MGAT4C: variants seen among roughly 807,000 people sequenced by gnomAD.
MGAT4C encodes alpha-1,3-mannosyl-glycoprotein 4-beta-N-acetylglucosaminyltransferase C.
MGAT4C carries 19 observed loss-of-function variants against 40.1 expected under a neutral mutation model. That is an observed-to-expected ratio of 0.47 (90% CI 0.33 to 0.70). MGAT4C has a LOEUF of 0.70. Ranked by LOEUF, MGAT4C falls within the 30% of genes least tolerant of loss-of-function variation. MGAT4C has a pLI of 0.02. For missense variants in MGAT4C, 491 were observed against 563.2 expected (o/e 0.87, Z 1.30); for synonymous variants, 181 against 187.1 (o/e 0.97, Z 0.27).
chr12:86,715,591 T>A (rs1274975813), intron 2 of MGAT4C, among the ~76,000 whole-genome samples: 1 of 152,226 alleles, frequency 6.6e-6, no homozygotes, highest in East Asian at 1.9e-4. Flanking sequence ...AACAAAAAAA[T>A]TTAAGACCCA....
intron 4 of MGAT4C, among the ~76,000 whole-genome samples, chr12:86,323,466 G>T (rs1954444882): frequency 6.6e-6 from 1 of 151,234 alleles, no homozygotes; most frequent in South Asian, 2.1e-4. Flanking sequence ...ATTTATTTAG[G>T]ATCGTAAAAT....
intron 2 of MGAT4C, among the ~76,000 whole-genome samples, chr12:86,610,561 G>GT (rs62949460): frequency 0.97 from 145,562 of 149,736 alleles, 70,810 homozygotes; most frequent in Non-Finnish European, 1. Context: ...TTTGTTTTTT[G>GT]TTTTTTTTTC....
In MGAT4C at chr12:86,363,954, ACTCT is replaced by A. The variant is rs762469045; in HGVS notation, c.-119-29831_-119-29828del. Among the ~76,000 whole-genome samples the A allele has an allele frequency of 6.3e-4, 63 of 99,414 alleles. No individual in the cohort carries two copies. The East Asian group carries it at 0.012, about 19-fold the overall frequency. 65.2% of individuals were successfully genotyped at this position (99,414 alleles called of 152,430 possible). On this transcript the variant is annotated intron_variant, in intron 3 of 7. Transcript: ENST00000548651. ...AAAAAAATTACCAAATCTCTTTCTC[ACTCT>A]CTCTCTCTCTCTCTCACACACACAC...
chr12:86,670,246 A>G (rs1296986298), intron 2 of MGAT4C, among the ~76,000 whole-genome samples: 7 of 152,158 alleles, frequency 4.6e-5, no homozygotes, highest in African/African-American at 1.7e-4. Context: ...GAAAAATTCA[A>G]CAAATGGATT....
At chr12:86,560,289 G>A (rs374921146) in intron 2 of MGAT4C, among the ~76,000 whole-genome samples, 1 of 151,888 alleles carries the variant, frequency 6.6e-6, no homozygotes, top group South Asian at 2.1e-4. Flanking sequence ...CATCTATGAG[G>A]CTGGCATTAC....
At chr12:86,797,547 G>T (rs910399066) in intron 1 of MGAT4C, among the ~76,000 whole-genome samples, 2 of 151,706 alleles carry the variant, frequency 1.3e-5, no homozygotes, top group East Asian at 1.9e-4. Context: ...TTTACTATCT[G>T]TTTGTAGACC....
chr12:86,193,289 T>C (rs1165708011), intron 1 of MGAT4C, among the ~76,000 whole-genome samples: 3 of 151,958 alleles, frequency 2.0e-5, no homozygotes, highest in Non-Finnish European at 4.4e-5. Flanking sequence ...AATTACAGCA[T>C]GCTTCCTTGT....
intron 2 of MGAT4C, among the ~76,000 whole-genome samples, chr12:86,445,933 G>A (rs1044741566): frequency 6.6e-6 from 1 of 151,974 alleles, no homozygotes; most frequent in East Asian, 1.9e-4. Context: ...TCAAATATTG[G>A]TAATATTTTA....
chr12:86,724,065 T>A (rs1950781475), intron 2 of MGAT4C, among the ~76,000 whole-genome samples: 1 of 152,168 alleles, frequency 6.6e-6, no homozygotes, highest in Admixed American at 6.5e-5. Flanking sequence ...TTAACTTTTA[T>A]AACATACTGA....
chr12:86,579,028 T>C (rs917009361), intron 2 of MGAT4C, among the ~76,000 whole-genome samples: 5 of 151,690 alleles, frequency 3.3e-5, no homozygotes, highest in Admixed American at 2.6e-4. Flanking sequence ...CATTTTTTCA[T>C]ATTTTATTTT....
At chr12:86,005,956 T>G (rs1198009177) in intron 2 of MGAT4C, among the ~76,000 whole-genome samples, 1 of 152,202 alleles carries the variant, frequency 6.6e-6, no homozygotes, top group Non-Finnish European at 1.5e-5. Context: ...TTGTGAGTTC[T>G]CGATTATTCT....
intron 1 of MGAT4C, among the ~76,000 whole-genome samples, chr12:86,739,953 A>T (rs1951043852): frequency 6.6e-6 from 1 of 151,034 alleles, no homozygotes; most frequent in African/African-American, 2.4e-5. Flanking sequence ...TATTTATAAT[A>T]TAATATTCCT....
At chr12:86,087,406 T>C (rs1035251663) in intron 1 of MGAT4C, among the ~76,000 whole-genome samples, 2 of 152,134 alleles carry the variant, frequency 1.3e-5, no homozygotes, top group African/African-American at 4.8e-5. Flanking sequence ...ATACTATTTC[T>C]AGTATTTAAC....
chr12:86,332,488 A>C (rs969256089), intron 4 of MGAT4C, among the ~76,000 whole-genome samples: 2 of 152,118 alleles, frequency 1.3e-5, no homozygotes, highest in Non-Finnish European at 2.9e-5. Context: ...CACAAAAATA[A>C]GCATATTTTC....
At chr12:86,200,515 T>C (rs1005148594) in intron 1 of MGAT4C, among the ~76,000 whole-genome samples, 21 of 152,136 alleles carry the variant, frequency 1.4e-4, no homozygotes, top group African/African-American at 2.4e-5. Flanking sequence ...CAACTTTAGT[T>C]GTCATCAGTT....
chr12:86,472,487 A>G (rs554386358), intron 2 of MGAT4C, among the ~76,000 whole-genome samples: 1 of 152,306 alleles, frequency 6.6e-6, no homozygotes, highest in South Asian at 2.1e-4. Flanking sequence ...TAATTCAATT[A>G]AAAGTCTATA....
At chr12:86,838,371 A>G (rs1266310530) in intron 1 of MGAT4C, among the ~76,000 whole-genome samples, 1 of 152,268 alleles carries the variant, frequency 6.6e-6, no homozygotes, top group African/African-American at 2.4e-5. Flanking sequence ...TATTGCAGCT[A>G]CAAAAGGAAA....
chr12:86,777,091 T>A (rs1033221869), intron 1 of MGAT4C, among the ~76,000 whole-genome samples: 14 of 152,188 alleles, frequency 9.2e-5, no homozygotes, highest in Admixed American at 7.2e-4. Flanking sequence ...AATGGCAAAT[T>A]GCCAAATCAC....
At chr12:86,790,864 A>AT (rs938665631) in intron 1 of MGAT4C, among the ~76,000 whole-genome samples, 2 of 152,114 alleles carry the variant, frequency 1.3e-5, no homozygotes, top group Non-Finnish European at 2.9e-5. Context: ...GGGCATCCCT[A>AT]TTTTTAAACA....
Sources: gnomAD v4.1 joint callset for allele counts (sites outside exome capture counted in the v4.1 genomes callset) on GRCh38, gnomAD v4.1.1 for gene constraint, MANE v1.5 for transcripts, NCBI Gene and HGNC (gene_info 2026-07-23, HGNC 2026-07-21) for gene names.